Variants in MECOM observed in about 807,000 individuals in gnomAD.
MECOM encodes MDS1 and EVI1 complex locus, also known as histone-lysine N-methyltransferase MECOM.
In MECOM, 13 loss-of-function variants were observed where a neutral mutation model predicts 116.3. The ratio of observed to expected loss-of-function variants is 0.11; its 90% CI spans 0.07 to 0.18. MECOM has a LOEUF of 0.18. Among genes scored for constraint, MECOM ranks in the 10% least tolerant of loss-of-function variants. MECOM has a pLI of 1.00. For missense variants in MECOM, 1,299 were observed against 1,509.0 expected, an observed-to-expected ratio of 0.86 and a Z score of 2.31; for synonymous variants, 528 against 535.2, an observed-to-expected ratio of 0.99 and a Z score of 0.19.
Position 169,611,571 on chromosome 3 carries a change from A to C in MECOM, c.37+51765T>G, listed in dbSNP as rs1451981011. On this transcript the variant is annotated intron_variant, in intron 1 of 16. Transcript: ENST00000651503. The surrounding 1 kb of genome is among the most constrained non-coding windows in gnomAD (Gnocchi z 4.1). ...GTAGTAGCATACAAACAATGGCAAA[A>C]AGAATATTAACATGTCCTGTTTCCA... is the stretch of plus-strand genomic sequence containing the variant. 1.3e-5 allele frequency among the ~76,000 whole-genome samples: 2 copies of C among 152,200 alleles called. No homozygotes were observed. Among genetic ancestry groups the C allele is most frequent in the South Asian group, 2.1e-4 (1 of 4,828 alleles).
intron 2 of MECOM, among the ~76,000 whole-genome samples, chr3:169,281,378 G>GT (rs1320277679): frequency 6.6e-6 from 1 of 152,170 alleles, no homozygotes; most frequent in Non-Finnish European, 1.5e-5. Flanking sequence ...CTGATTGGCT[G>GT]TAAGAGTGAG....
chr3:169,134,100 G>C, intron 3 of MECOM: 1 of 369,456 alleles, frequency 2.7e-6, no homozygotes, highest in South Asian at 2.5e-5. Flanking sequence ...TTAGACACAC[G>C]TCAGGTCATT....
intron 3 of MECOM, 81 bp downstream of exon 3, chr3:169,143,617 G>C: frequency 7.2e-7 from 1 of 1,390,442 alleles, no homozygotes; most frequent in South Asian, 1.6e-5. Flanking sequence ...GTCTACTGCA[G>C]CTTACTGTTA....
chr3:169,300,440 T>C (rs543138413), intron 2 of MECOM, among the ~76,000 whole-genome samples: 2 of 152,332 alleles, frequency 1.3e-5, no homozygotes, highest in East Asian at 3.9e-4. Context: ...GGTTATACTA[T>C]CTCACAACAT....
chr3:169,286,774 T>C (rs967246783), intron 2 of MECOM, among the ~76,000 whole-genome samples: 1 of 152,106 alleles, frequency 6.6e-6, no homozygotes, highest in African/African-American at 2.4e-5. Context: ...TACAGACATT[T>C]GCCTGCTACC....
At chr3:169,655,132 G>A (rs1775384257) in intron 1 of MECOM, among the ~76,000 whole-genome samples, 2 of 152,030 alleles carry the variant, frequency 1.3e-5, no homozygotes, top group Non-Finnish European at 2.9e-5. Context: ...GAACCCCCTT[G>A]CCCAAATGGT....
rs967220508 is a variant in MECOM at position 169,491,968 on chromosome 3, G to C, written c.38-110444C>G. 7.9e-5 allele frequency among the ~76,000 whole-genome samples: 12 copies of C among 152,174 alleles called. 1 individual carries two copies. The highest frequency in any genetic ancestry group is 2.6e-4 in the Admixed American group (4 of 15,292). The stretch of plus-strand genomic sequence containing the variant: ...TTGTTTGTTTAACTCAATAAAACAG[G>C]CACAGACCATATTTAAATATCAAAG... On this transcript the variant is annotated intron_variant, in intron 1 of 16. Transcript: ENST00000651503.
rs115886268 is a variant in MECOM at position 169,484,456 on chromosome 3, T to C, written c.38-102932A>G. On this transcript the variant is annotated intron_variant, in intron 1 of 16. Transcript: ENST00000651503. ...TAAATTTCAGCAAAAGATATTTATT[T>C]CTTTCCAATATTCTTTTCCATTTAA... Among the ~76,000 whole-genome samples the C allele has an allele frequency of 8.8e-3, 1,339 of 152,296 alleles. 22 individuals carry two copies. The highest frequency in any genetic ancestry group is 0.03 in the African/African-American group (1,246 of 41,550).
chr3:169,224,338 C>A (rs1672230251), intron 2 of MECOM, among the ~76,000 whole-genome samples: 3 of 152,122 alleles, frequency 2.0e-5, no homozygotes, highest in African/African-American at 7.2e-5. Flanking sequence ...GATGGAAATT[C>A]AAAGCAATGG....
At chr3:169,282,933 A>G (rs142212671) in intron 2 of MECOM, among the ~76,000 whole-genome samples, 40 of 152,076 alleles carry the variant, frequency 2.6e-4, no homozygotes, top group African/African-American at 9.4e-4. Flanking sequence ...GCATATGGCC[A>G]CCCACTTGAG....
At chr3:169,337,923 C>T (rs1025113302) in intron 2 of MECOM, among the ~76,000 whole-genome samples, 3 of 152,154 alleles carry the variant, frequency 2.0e-5, no homozygotes, top group African/African-American at 7.2e-5. Context: ...GAGTGATAGC[C>T]TATCTGTCCT....
At chr3:169,170,403 C>CAAA (rs71634426) in intron 2 of MECOM, among the ~76,000 whole-genome samples, 3 of 74,352 alleles carry the variant, frequency 4.0e-5, no homozygotes, top group Non-Finnish European at 8.0e-5. Flanking sequence ...AAGACTCTGT[C>CAAA]AAAAAAAAAA....
chr3:169,239,243 C>T (rs541858080), intron 2 of MECOM, among the ~76,000 whole-genome samples: 4 of 151,830 alleles, frequency 2.6e-5, no homozygotes, highest in Non-Finnish European at 4.4e-5. Flanking sequence ...AGATATGGTA[C>T]AAATCATTTT....
intron 2 of MECOM, among the ~76,000 whole-genome samples, chr3:169,270,985 C>T (rs1337712985): frequency 6.6e-6 from 1 of 152,070 alleles, no homozygotes; most frequent in Non-Finnish European, 1.5e-5. Context: ...AGTTTGAGTC[C>T]TTCTTGTCCA....
intron 1 of MECOM, among the ~76,000 whole-genome samples, chr3:169,592,035 A>C (rs1181425267): frequency 6.6e-6 from 1 of 152,220 alleles, no homozygotes; most frequent in Non-Finnish European, 1.5e-5. Flanking sequence ...GAGAGAACAC[A>C]GAAAGCTGAG....
chr3:169,207,080 G>T (rs187809497), intron 2 of MECOM, among the ~76,000 whole-genome samples: 1 of 152,106 alleles, frequency 6.6e-6, no homozygotes, highest in East Asian at 1.9e-4. Flanking sequence ...CTAAACAAAA[G>T]CATTATAAGA....
chr3:169,315,689 A>G (rs1211232460), intron 2 of MECOM, among the ~76,000 whole-genome samples: 2 of 152,200 alleles, frequency 1.3e-5, no homozygotes, highest in African/African-American at 2.4e-5. Flanking sequence ...ATTGTCACTG[A>G]ACCCAAAGAG....
intron 1 of MECOM, among the ~76,000 whole-genome samples, chr3:169,404,612 G>C (rs972989940): frequency 7.9e-5 from 12 of 152,166 alleles, no homozygotes; most frequent in Admixed American, 4.6e-4. Context: ...AGGCTGATCC[G>C]ATGGGCCAGT....
chr3:169,166,027 A>T (rs1003125626), intron 2 of MECOM, among the ~76,000 whole-genome samples: 2 of 152,256 alleles, frequency 1.3e-5, no homozygotes, highest in South Asian at 4.1e-4. Context: ...TCTTCACTGA[A>T]GGATCCCACC....
Sources: allele counts gnomAD v4.1 joint callset (sites outside exome capture counted in the v4.1 genomes callset), GRCh38; gene constraint gnomAD v4.1.1; non-coding constraint Gnocchi (gnomAD v3.1); transcripts MANE v1.5; gene names NCBI Gene and HGNC (gene_info 2026-07-23, HGNC 2026-07-21).